Variants in ARHGEF38 observed in about 807,000 individuals in gnomAD.
The protein encoded by ARHGEF38 is Rho guanine nucleotide exchange factor 38, also known as Rho guanine nucleotide exchange factor (GEF) 38.
Under a neutral mutation model 79.9 loss-of-function variants are expected in ARHGEF38, and 79 were observed. That is an observed-to-expected ratio of 0.99 (90% confidence interval 0.82 to 1.19). The LOEUF is 1.19. Ranked by LOEUF, ARHGEF38 falls within the 50% of genes most tolerant of loss-of-function variation. ARHGEF38 has a pLI of 0.00. For synonymous variants in ARHGEF38, 366 were observed against 328.3 expected (o/e 1.11, Z -1.24); for missense variants, 962 against 907.2 (o/e 1.06, Z -0.78).
At chr4:105,645,119 C>A in intron 5 of ARHGEF38, 69 bp from the exon 6 acceptor site, 6 of 1,112,708 alleles carry the variant, frequency 5.4e-6, no homozygotes, top group East Asian at 3.0e-5. Context: ...ATCATAAAAA[C>A]ACACAAAAAT....
Position 105,659,252 on chromosome 4 carries a change from C to A in ARHGEF38, c.1432C>A (p.Gln478Lys). 3 of 1,536,126 alleles carry A rather than the reference C, an allele frequency of 2.0e-6. No individual in the cohort carries two copies. The highest frequency in any genetic ancestry group is 2.6e-6 in the Non-Finnish European group (3 of 1,146,888). Residue 478 changes from glutamine to lysine, a missense_variant, in exon 10 of 14, where the codon CAG becomes AAG. Physicochemically the swap from Gln to Lys is moderately conservative, Grantham distance 53. Coordinates refer to ENST00000420470, the MANE Select transcript of ARHGEF38 (RefSeq NM_001242729.2). Reference protein sequence around the residue: ...ALNAQLVEELQAFNQAARKIL... With the variant: ...ALNAQLVEELKAFNQAARKIL... The stretch of plus-strand genomic sequence containing the variant: ...CAACGCCCAGCTTGTGGAGGAGCTC[C>A]AGGCATTCAACCAGGCTGCTCGGAA...
chr4:105,577,046 G>A (rs1726537303), intron 1 of ARHGEF38, among the ~76,000 whole-genome samples: 1 of 151,124 alleles, frequency 6.6e-6, no homozygotes, highest in Non-Finnish European at 1.5e-5. Flanking sequence ...TTGCATCTAT[G>A]TTCAAAAGAA....
intron 1 of ARHGEF38, chr4:105,561,731 GA>G (rs1260042894): frequency 6.6e-6 from 1 of 151,992 alleles, no homozygotes; most frequent in African/African-American, 2.4e-5. Flanking sequence ...ACTAACAAAA[GA>G]AAAAGCATAC....
rs542783649 is a variant in ARHGEF38, at chr4:105,637,898, T to C, written c.674+1478T>C. Among the ~76,000 whole-genome samples the C allele has an allele frequency of 5.3e-5, 8 of 152,252 alleles. No individual in the cohort carries two copies. The East Asian group carries it at 1.5e-3, about 29-fold the overall frequency. On this transcript the variant is annotated intron_variant, in intron 5 of 13. Transcript: ENST00000420470. ...TCCTGCTGTGTAGGAGTTAGCCAGGTTGTGTCTGCTCCCTCTAGACTATTC... is the reference window on the plus strand; with the variant it reads ...TCCTGCTGTGTAGGAGTTAGCCAGGCTGTGTCTGCTCCCTCTAGACTATTC...
chr4:105,597,361 A>G (rs551664542), intron 2 of ARHGEF38, among the ~76,000 whole-genome samples: 1 of 152,344 alleles, frequency 6.6e-6, no homozygotes, highest in South Asian at 2.1e-4. Context: ...ACTCTTGTCA[A>G]AATTGTTTTC....
At chr4:105,573,778 A>G (rs1726351716) in intron 1 of ARHGEF38, among the ~76,000 whole-genome samples, 1 of 151,678 alleles carries the variant, frequency 6.6e-6, no homozygotes, top group African/African-American at 2.4e-5. Flanking sequence ...TGGAATTTTG[A>G]TAAAGATTGC....
At chr4:105,618,752 T>C (rs1054445845) in intron 3 of ARHGEF38, among the ~76,000 whole-genome samples, 2 of 152,220 alleles carry the variant, frequency 1.3e-5, no homozygotes, top group African/African-American at 2.4e-5. Context: ...AATATACTTT[T>C]CATAGTCTCA....
Position 105,680,170 on chromosome 4 carries a change from T to G in ARHGEF38, c.*2233T>G. 1 of 590,666 alleles carries G rather than the reference T, an allele frequency of 1.7e-6. No homozygotes were observed. 36.6% of individuals were successfully genotyped at this position (590,666 alleles called of 1,614,324 possible). On this transcript the variant is annotated 3_prime_UTR_variant, in exon 14 of 14. Transcript: ENST00000420470. ...GGGACTGGAATTTAAAACCAGGTCT[T>G]CTGACTTTAAGGCCTTTCTTTTAGT...
At chr4:105,561,460 G>C (rs1224089389) in intron 1 of ARHGEF38, 1 of 80,694 alleles carries the variant, frequency 1.2e-5, no homozygotes, top group Non-Finnish European at 2.6e-5. Context: ...GAATAGAATA[G>C]AATAGAATAG....
intron 3 of ARHGEF38, among the ~76,000 whole-genome samples, chr4:105,624,618 C>A (rs1340360763): frequency 6.6e-6 from 1 of 152,206 alleles, no homozygotes; most frequent in Non-Finnish European, 1.5e-5. Flanking sequence ...AGCATATACT[C>A]TTTCAGTTTC....
intron 2 of ARHGEF38, among the ~76,000 whole-genome samples, chr4:105,591,527 C>A (rs1413940026): frequency 6.6e-6 from 1 of 152,132 alleles, no homozygotes; most frequent in Non-Finnish European, 1.5e-5. Context: ...CCATGCCCGG[C>A]CTCAGAAATA....
rs551908030 is a variant in ARHGEF38, at chr4:105,559,945, A to G, written c.196+6984A>G. ...TTCTCTTCTGTTCAGTTCTGATTTT[A>G]TCATTGAGAAAAATAGGTGGTAGGC... On this transcript the variant is annotated intron_variant, in intron 1 of 13. Transcript: ENST00000420470. 3.3e-5 allele frequency among the ~76,000 whole-genome samples: 5 copies of G among 152,288 alleles called. No individual in the cohort carries two copies. The South Asian group carries it at 1.0e-3, about 32-fold the overall frequency.
Position 105,631,508 on chromosome 4 carries a change from C to T in ARHGEF38, c.656+463C>T, listed in dbSNP as rs931192973. ...GGAGATGGGTGAAGACAAGTCAGGC[C>T]TTGTTAAAGTTAGTTTCAGAACAAT... On this transcript the variant is annotated intron_variant, in intron 4 of 13. Coordinates refer to ENST00000420470, the MANE Select transcript of ARHGEF38 (RefSeq NM_001242729.2). The T allele has an allele frequency of 1.1e-5, 11 of 985,386 alleles. No homozygotes were observed. The African/African-American group carries it at 1.9e-4, about 17-fold the overall frequency. The allele number at this position is 985,386 out of a possible 1,614,324, so 61.0% of individuals were successfully genotyped here.
In ARHGEF38 at chr4:105,667,267, G is replaced by A. The variant is rs1294257158; in HGVS notation, c.1828G>A (p.Ala610Thr). Residue 610 changes from alanine to threonine, a missense_variant, in exon 12 of 14, where the codon GCT (alanine) becomes ACT (threonine). Ala to Thr is a moderately conservative substitution (Grantham distance 58). Coordinates refer to ENST00000420470, the MANE Select transcript of ARHGEF38 (RefSeq NM_001242729.2). Reference sequence around the variant, plus strand: ...CAATCTTCTGGAAGGAGACTTGGTGGCTGTGATAGAACAGAAAGATCCACT... The same window carrying A: ...CAATCTTCTGGAAGGAGACTTGGTGACTGTGATAGAACAGAAAGATCCACT... ...DINLLEGDLVAVIEQKDPLGS... is the reference protein window; with the variant it reads ...DINLLEGDLVTVIEQKDPLGS... 3 of 1,536,170 alleles carry A rather than the reference G, an allele frequency of 2.0e-6. No individual in the cohort carries two copies. Among genetic ancestry groups the A allele is most frequent in the Non-Finnish European group, 2.6e-6 (3 of 1,146,922 alleles).
chr4:105,645,936 T>G (rs1450075639), intron 6 of ARHGEF38, among the ~76,000 whole-genome samples: 1 of 152,226 alleles, frequency 6.6e-6, no homozygotes, highest in Non-Finnish European at 1.5e-5. Context: ...AGCTAAAATA[T>G]AAAATTAGTG....
At chr4:105,682,483 C>A, downstream of ARHGEF38, 1 of 367,616 alleles carries the variant, frequency 2.7e-6, no homozygotes, top group Non-Finnish European at 4.9e-6. Flanking sequence ...TTCTGAAGAT[C>A]TCATTGAGAA....
intron 3 of ARHGEF38, among the ~76,000 whole-genome samples, chr4:105,624,907 C>T (rs1728880592): frequency 6.6e-6 from 1 of 152,198 alleles, no homozygotes; most frequent in African/African-American, 2.4e-5. Context: ...AAATGACAGT[C>T]AGAGGCCTGT....
At chr4:105,577,531 G>A (rs1240470227) in intron 1 of ARHGEF38, among the ~76,000 whole-genome samples, 2 of 151,866 alleles carry the variant, frequency 1.3e-5, no homozygotes, top group East Asian at 3.9e-4. Flanking sequence ...ATTCAGCTGT[G>A]AATCCATCTG....
intron 13 of ARHGEF38, 109 bp downstream of exon 13, chr4:105,667,812 C>A: frequency 1.5e-6 from 2 of 1,298,234 alleles, no homozygotes; most frequent in Non-Finnish European, 2.1e-6. Flanking sequence ...GCTTTGACAT[C>A]AAGGAGACCT....
Sources: gnomAD v4.1 joint callset for allele counts (sites outside exome capture counted in the v4.1 genomes callset) on GRCh38, gnomAD v4.1.1 for gene constraint, MANE v1.5 for transcripts, NCBI Gene and HGNC (gene_info 2026-07-23, HGNC 2026-07-21) for gene names.